The following RGS7 variants were observed in gnomAD, a reference collection of about 807,000 sequenced individuals.
The protein encoded by RGS7 is regulator of G protein signaling 7, also known as regulator of G-protein signaling 7.
RGS7 carries 27 observed loss-of-function variants against 81.1 expected under a neutral mutation model. The observed-to-expected ratio is 0.33, with a 90% CI of 0.25 to 0.46. The LOEUF (loss-of-function observed/expected upper bound fraction) is 0.46, where lower values mean the gene tolerates loss of function less well. Ranked by LOEUF, RGS7 falls within the 20% of genes least tolerant of loss-of-function variation. RGS7 has a pLI of 1.00. For synonymous variants in RGS7, 208 were observed against 207.7 expected, an observed-to-expected ratio of 1.00 and a Z score of -0.01; for missense variants, 396 against 607.4, an observed-to-expected ratio of 0.65 and a Z score of 3.66.
At chr1:240,909,584 A>G (rs752152472) in intron 6 of RGS7, among the ~76,000 whole-genome samples, 13 of 152,220 alleles carry the variant, frequency 8.5e-5, no homozygotes, top group Non-Finnish European at 1.2e-4. Flanking sequence ...ATGGAAAACT[A>G]TGGTTCCATT....
intron 2 of RGS7, among the ~76,000 whole-genome samples, chr1:241,141,387 C>CT (rs1265474385): frequency 2.6e-5 from 4 of 152,186 alleles, no homozygotes; most frequent in African/African-American, 9.7e-5. Flanking sequence ...CCCTGGGCCA[C>CT]TACAGATTCA....
intron 2 of RGS7, among the ~76,000 whole-genome samples, chr1:241,121,695 T>C (rs4474238): frequency 0.46 from 64,187 of 141,062 alleles, 15,731 homozygotes; most frequent in East Asian, 0.7. Flanking sequence ...TCTATCCACC[T>C]GTGTTGCAAT....
intron 3 of RGS7, among the ~76,000 whole-genome samples, chr1:241,082,610 A>G (rs1558689787): frequency 2.0e-5 from 3 of 152,210 alleles, no homozygotes; most frequent in Non-Finnish European, 4.4e-5. Flanking sequence ...TAACAGGTAC[A>G]AAAATACAGT....
intron 2 of RGS7, among the ~76,000 whole-genome samples, chr1:241,351,261 AC>A (rs2083231903): frequency 6.6e-6 from 1 of 151,836 alleles, no homozygotes. Flanking sequence ...TCTAGAAAAA[AC>A]AAAAAAATTA....
intron 2 of RGS7, among the ~76,000 whole-genome samples, chr1:241,148,487 T>C (rs550077669): frequency 4.6e-5 from 7 of 152,358 alleles, no homozygotes; most frequent in East Asian, 1.9e-4. Context: ...GAGCTACATC[T>C]TAATACCTTA....
At chr1:240,872,185 A>T (rs1246802866) in intron 6 of RGS7, among the ~76,000 whole-genome samples, 1 of 152,226 alleles carries the variant, frequency 6.6e-6, no homozygotes, top group Non-Finnish European at 1.5e-5. Context: ...TATTTGTTGA[A>T]TGAGTGAATT....
intron 2 of RGS7, among the ~76,000 whole-genome samples, chr1:241,345,924 G>A (rs1360022614): frequency 2.1e-4 from 2 of 9,436 alleles, no homozygotes; most frequent in Non-Finnish European, 3.2e-4. Context: ...GCTGAGGCAG[G>A]AGAATCACTT....
rs571945329 is a variant in RGS7, at chr1:241,343,119, A to G, written c.78+12580T>C. Among the ~76,000 whole-genome samples, 77 of 152,138 alleles carry G rather than the reference A, an allele frequency of 5.1e-4. 1 individual carries two copies. The highest frequency in any genetic ancestry group is 1.8e-3 in the African/African-American group (75 of 41,524). On this transcript the variant is annotated intron_variant, in intron 2 of 18. Coordinates refer to ENST00000440928, the MANE Select transcript of RGS7 (RefSeq NM_001364886.1). ...CTACTAAAAATACAAAAAATTAGTC[A>G]GGCATGGTGGTGCGCACCTGTAGCC...
chr1:241,049,255 C>T (rs142497893), intron 3 of RGS7, among the ~76,000 whole-genome samples: 111 of 152,312 alleles, frequency 7.3e-4, no homozygotes, highest in Middle Eastern at 3.4e-3. Context: ...TGTGTTAGTG[C>T]AAACCTGGTT....
chr1:241,130,944 A>AAAAAAAAAC lies in RGS7; in HGVS notation c.79-32183_79-32182insGTTTTTTTT, dbSNP rs1491202997. On this transcript the variant is annotated intron_variant, in intron 2 of 18. Transcript: ENST00000440928. ...CTTAATTACAAAAAAAAAAAAAAAA[A>AAAAAAAAAC]ACCAAGAGGCCAGATAATTCTACTC... 1.1e-3 allele frequency among the ~76,000 whole-genome samples: 172 copies of AAAAAAAAAC among 150,182 alleles called. 3 individuals are homozygous for AAAAAAAAAC. The East Asian group carries it at 0.024, about 21-fold the overall frequency.
rs1660902686 is a variant in RGS7, at chr1:240,855,332, A to T, written c.609+13255T>A. Among the ~76,000 whole-genome samples the T allele has an allele frequency of 1.5e-5, 2 of 136,440 alleles. 1 individual carries two copies. The highest frequency in any genetic ancestry group is 4.9e-4 in the South Asian group (2 of 4,078). 89.5% of individuals were successfully genotyped at this position (136,440 alleles called of 152,430 possible). ...TCAAAAAAAAAAAAAAAAAAAGGAG[A>T]AACAAAGAAGAAAAGGAAGAAATTA... On this transcript the variant is annotated intron_variant, in intron 9 of 18. Transcript: ENST00000440928.
intron 2 of RGS7, among the ~76,000 whole-genome samples, chr1:241,231,242 CA>C (rs950431177): frequency 6.6e-6 from 1 of 152,106 alleles, no homozygotes; most frequent in African/African-American, 2.4e-5. Context: ...TTTCATTTTA[CA>C]AATGAAAGAG....
At chr1:240,840,131 T>A (rs1435410628) in intron 9 of RGS7, among the ~76,000 whole-genome samples, 2 of 152,164 alleles carry the variant, frequency 1.3e-5, no homozygotes, top group African/African-American at 4.8e-5. Context: ...TTCCCCAAGT[T>A]ATTCTCCACA....
At position 240,793,611 on chromosome 1, in the gene RGS7, A is replaced by ATTT. The variant is rs1205854418; in HGVS notation, c.*6+7027_*6+7029dup. On this transcript the variant is annotated intron_variant, in intron 18 of 18. Coordinates refer to ENST00000440928, the MANE Select transcript of RGS7 (RefSeq NM_001364886.1). ...AATATATATATATATATATATATATATTTTTTTTTTTTTTTTGAGACAGAG... is the reference window on the plus strand; with the variant it reads ...AATATATATATATATATATATATATATTTTTTTTTTTTTTTTTTTGAGACAGAG... 1.0e-3 allele frequency among the ~76,000 whole-genome samples: 80 copies of ATTT among 78,796 alleles called. 6 individuals carry two copies. The highest frequency in any genetic ancestry group is 5.4e-3 in the African/African-American group (56 of 10,308). The allele number at this position is 78,796 out of a possible 152,430, so 51.7% of individuals were successfully genotyped here.
At chr1:241,269,199 T>A (rs890587949) in intron 2 of RGS7, among the ~76,000 whole-genome samples, 1 of 152,224 alleles carries the variant, frequency 6.6e-6, no homozygotes, top group African/African-American at 2.4e-5. Context: ...GGTCTCTTTT[T>A]AAAAAAATCT....
At chr1:240,981,401 C>T (rs1189281630) in intron 4 of RGS7, among the ~76,000 whole-genome samples, 5 of 152,206 alleles carry the variant, frequency 3.3e-5, no homozygotes, top group East Asian at 3.9e-4. Context: ...TGAGTCACCG[C>T]GCCTGACCCA....
At chr1:241,265,896 G>A (rs1274196274) in intron 2 of RGS7, among the ~76,000 whole-genome samples, 1 of 147,006 alleles carries the variant, frequency 6.8e-6, no homozygotes, top group East Asian at 2.1e-4. Flanking sequence ...CCGGGTTCAA[G>A]CAATTCTCCT....
chr1:240,987,504 G>T (rs1018218740), intron 3 of RGS7, among the ~76,000 whole-genome samples: 1 of 150,950 alleles, frequency 6.6e-6, no homozygotes, highest in Non-Finnish European at 1.5e-5. Flanking sequence ...CTTAATCCAT[G>T]ATTTTTGATG....
chr1:241,212,805 T>A (rs1020399116), intron 2 of RGS7, among the ~76,000 whole-genome samples: 1 of 152,186 alleles, frequency 6.6e-6, no homozygotes, highest in Non-Finnish European at 1.5e-5. Flanking sequence ...TCCGCGTTGT[T>A]GTAGGACAGC....
Sources: allele counts gnomAD v4.1 joint callset (sites outside exome capture counted in the v4.1 genomes callset), GRCh38; gene constraint gnomAD v4.1.1; transcripts MANE v1.5; gene names NCBI Gene and HGNC (gene_info 2026-07-23, HGNC 2026-07-21).